Variants in ABTB3 observed in about 807,000 individuals in gnomAD.
The protein encoded by ABTB3 is ankyrin repeat and BTB domain containing 3.
the ABTB3 span, among the ~76,000 whole-genome samples, chr12:107,620,578 C>T: frequency 6.6e-6 from 1 of 152,062 alleles, no homozygotes; most frequent in Non-Finnish European, 1.5e-5. Flanking sequence ...GTGACTAGAC[C>T]ACGCGGGGAT....
the ABTB3 span, among the ~76,000 whole-genome samples, chr12:107,652,905 A>T: frequency 6.6e-6 from 1 of 152,204 alleles, no homozygotes; most frequent in South Asian, 2.1e-4. Context: ...TGTTTTATTT[A>T]TTTATTTATT....
chr12:107,488,223 G>A, the ABTB3 span, among the ~76,000 whole-genome samples: 1 of 152,104 alleles, frequency 6.6e-6, no homozygotes, highest in Admixed American at 6.5e-5. Context: ...CCATTAGCTG[G>A]CAACCTAAAT....
chr12:107,542,413 C>T, the ABTB3 span, among the ~76,000 whole-genome samples: 1 of 151,892 alleles, frequency 6.6e-6, no homozygotes, highest in South Asian at 2.1e-4. Context: ...TAGGACAGGG[C>T]AAGTGCATTA....
the ABTB3 span, chr12:107,651,930 T>C: frequency 3.3e-6 from 1 of 303,562 alleles, no homozygotes. Flanking sequence ...TGCCAAGGTC[T>C]TGCTTCCTGC....
chr12:107,560,473 A>G, the ABTB3 span, among the ~76,000 whole-genome samples: 1 of 151,984 alleles, frequency 6.6e-6, no homozygotes, highest in Non-Finnish European at 1.5e-5. Context: ...GAACAATGGC[A>G]TCTGCCTGGC....
the ABTB3 span, among the ~76,000 whole-genome samples, chr12:107,332,691 G>A: frequency 6.6e-6 from 1 of 152,188 alleles, no homozygotes; most frequent in African/African-American, 2.4e-5. Context: ...AGAGGCCGGG[G>A]TTGAACCCAG....
At chr12:107,542,055 A>T in the ABTB3 span, among the ~76,000 whole-genome samples, 3 of 152,170 alleles carry the variant, frequency 2.0e-5, no homozygotes, top group Non-Finnish European at 2.9e-5. Flanking sequence ...CACACCTGTA[A>T]TCCCAGTACT....
At chr12:107,617,429 G>A in the ABTB3 span, 8 of 1,613,996 alleles carry the variant, frequency 5.0e-6, no homozygotes, top group Non-Finnish European at 6.8e-6. Context: ...TGCAGCCCAC[G>A]GACACAGGTA....
chr12:107,594,954 G>A, the ABTB3 span, among the ~76,000 whole-genome samples: 2 of 152,004 alleles, frequency 1.3e-5, no homozygotes, highest in Non-Finnish European at 2.9e-5. Context: ...GGCACTCTGT[G>A]TATTGCAGGA....
chr12:107,481,087 C>G, the ABTB3 span, among the ~76,000 whole-genome samples: 256 of 152,254 alleles, frequency 1.7e-3, no homozygotes, highest in African/African-American at 5.8e-3. Context: ...TTCTGGTTGT[C>G]ACAACTGGGG....
At chr12:107,655,492 T>C in the ABTB3 span, among the ~76,000 whole-genome samples, 2 of 152,154 alleles carry the variant, frequency 1.3e-5, no homozygotes, top group East Asian at 3.8e-4. Flanking sequence ...TCACACACCA[T>C]GTGGATTTGA....
chr12:107,485,290 A>G, the ABTB3 span, among the ~76,000 whole-genome samples: 1 of 152,138 alleles, frequency 6.6e-6, no homozygotes, highest in South Asian at 2.1e-4. Flanking sequence ...ATTGTTAACC[A>G]GTGAAAGTTG....
chr12:107,467,062 G>C, the ABTB3 span, among the ~76,000 whole-genome samples: 6 of 152,112 alleles, frequency 3.9e-5, no homozygotes, highest in African/African-American at 1.4e-4. Flanking sequence ...TAAAAGTCAG[G>C]GTATTCAAAT....
At chr12:107,543,892 T>C in the ABTB3 span, 1 of 1,549,504 alleles carries the variant, frequency 6.5e-7, no homozygotes, top group East Asian at 2.3e-5. Flanking sequence ...TCTCTGCCAA[T>C]GTTGGCTTCC....
the ABTB3 span, among the ~76,000 whole-genome samples, chr12:107,537,119 C>T: frequency 6.6e-6 from 1 of 151,854 alleles, no homozygotes; most frequent in Non-Finnish European, 1.5e-5. Flanking sequence ...TAAAATAAGT[C>T]AGGCACAGAA....
chr12:107,436,996 T>C, the ABTB3 span, among the ~76,000 whole-genome samples: 9 of 152,100 alleles, frequency 5.9e-5, 1 homozygote, highest in African/African-American at 2.2e-4. Context: ...TGCCCAGTCA[T>C]GCAGAATTTT....
chr12:107,452,151 A>G, the ABTB3 span, among the ~76,000 whole-genome samples: 1 of 152,074 alleles, frequency 6.6e-6, no homozygotes, highest in East Asian at 1.9e-4. Flanking sequence ...GCTAGGGATA[A>G]GATAGGCATA....
chr12:107,422,527 A>T, the ABTB3 span, among the ~76,000 whole-genome samples: 1 of 152,222 alleles, frequency 6.6e-6, no homozygotes, highest in Admixed American at 6.5e-5. Context: ...GATAAGAGGG[A>T]AACAGTGAGA....
At chr12:107,548,348 C>T in the ABTB3 span, among the ~76,000 whole-genome samples, 2 of 152,144 alleles carry the variant, frequency 1.3e-5, no homozygotes, top group African/African-American at 4.8e-5. Flanking sequence ...CATCTGTGCC[C>T]AACAGACGGC....
Sources: allele counts gnomAD v4.1 joint callset (sites outside exome capture counted in the v4.1 genomes callset), GRCh38; gene constraint gnomAD v4.1.1; transcripts MANE v1.5; gene names NCBI Gene and HGNC (gene_info 2026-07-23, HGNC 2026-07-21).